PCDHGA8: variants seen among roughly 807,000 people sequenced by gnomAD.
The protein encoded by PCDHGA8 is protocadherin gamma-A8.
In PCDHGA8, 45 loss-of-function variants were observed where a neutral mutation model predicts 59.2. That is an observed-to-expected ratio of 0.76 (90% CI 0.60 to 0.98). The LOEUF (loss-of-function observed/expected upper bound fraction) is 0.98, where lower values mean the gene tolerates loss of function less well. PCDHGA8 is among the 50% of genes least tolerant of loss of function. PCDHGA8 has a pLI of 0.00. For missense variants in PCDHGA8, 1,257 were observed against 1,196.2 expected (o/e 1.05, Z -0.75); for synonymous variants, 531 against 519.0 (o/e 1.02, Z -0.32).
At chr5:141,452,201 T>G (rs552947721) in intron 1 of PCDHGA8, among the ~76,000 whole-genome samples, 131 of 152,376 alleles carry the variant, frequency 8.6e-4, no homozygotes, top group Middle Eastern at 6.8e-3. Context: ...TTGTTTTAGA[T>G]GTTACCAATA....
chr5:141,409,495 T>C (rs777919409), intron 1 of PCDHGA8: 5 of 1,613,862 alleles, frequency 3.1e-6, no homozygotes, highest in Non-Finnish European at 4.2e-6. Context: ...GCAAGCCGCC[T>C]CTTTCTTCCA....
chr5:141,424,797 C>G (rs1262781875), intron 1 of PCDHGA8: 1 of 151,908 alleles, frequency 6.6e-6, no homozygotes, highest in Non-Finnish European at 1.5e-5. Flanking sequence ...TTATTCAGAC[C>G]AACTTGTTAT....
At chr5:141,421,955 T>A in intron 1 of PCDHGA8, 1 of 1,612,914 alleles carries the variant, frequency 6.2e-7, no homozygotes, top group South Asian at 1.1e-5. Context: ...ATCCCAATGT[T>A]TACACAGTCC....
chr5:141,433,802 A>G (rs2097651656), intron 1 of PCDHGA8, among the ~76,000 whole-genome samples: 1 of 149,280 alleles, frequency 6.7e-6, no homozygotes, highest in Non-Finnish European at 1.5e-5. Flanking sequence ...GTGCCATTGC[A>G]CTCCAGCCTG....
In PCDHGA8 at chr5:141,414,129, C is replaced by A. The variant is rs1487550233; in HGVS notation, c.2424+18892C>A. The A allele has an allele frequency of 1.9e-6, 3 of 1,594,152 alleles. No homozygotes were observed. In the Admixed American group the frequency reaches 5.3e-5, roughly 28 times the overall value. ...ATCTAGATTATGAAGAAACCGGTTT[C>A]TATGAAATAGAAATACAAGCAGAAG... On this transcript the variant is annotated intron_variant, in intron 1 of 3. Coordinates refer to ENST00000398604, the MANE Select transcript of PCDHGA8 (RefSeq NM_032088.2).
At chr5:141,509,136 C>T (rs1217992935) in intron 3 of PCDHGA8, among the ~76,000 whole-genome samples, 1 of 152,142 alleles carries the variant, frequency 6.6e-6, no homozygotes, top group Non-Finnish European at 1.5e-5. Context: ...AAAACCGAGG[C>T]GCATCCCGGC....
rs1452602466 is a variant in PCDHGA8 at position 141,481,941 on chromosome 5, C to A, written c.2425-12866C>A. Among the ~76,000 whole-genome samples, 4 of 146,990 alleles carry A rather than the reference C, an allele frequency of 2.7e-5. No individual in the cohort carries two copies. The Admixed American group carries it at 2.7e-4, about 10-fold the overall frequency. On this transcript the variant is annotated intron_variant, in intron 1 of 3. Coordinates refer to ENST00000398604, the MANE Select transcript of PCDHGA8 (RefSeq NM_032088.2). ...AAAAAAAAAAAAAAAAAAAATCAGC[C>A]AGATGTGGTGGCAGGTGCCTGTAGT...
rs192411178 is a variant in PCDHGA8, at chr5:141,397,840, C to A, written c.2424+2603C>A. ...AATTACTGCACTGGTTAACTTGAAG[C>A]CGCAGAGGCTGTAGTTTCCTAGTGC... On this transcript the variant is annotated intron_variant, in intron 1 of 3. Transcript: ENST00000398604. 268 of 517,094 alleles carry A rather than the reference C, an allele frequency of 5.2e-4. 2 individuals carry two copies. Among genetic ancestry groups the A allele is most frequent in the African/African-American group, 4.6e-3 (241 of 51,950 alleles). The allele number at this position is 517,094 out of a possible 1,614,324, so 32.0% of individuals were successfully genotyped here. A position where few individuals can be genotyped will look rare whatever the true frequency, so the allele number is the denominator to read the frequency against.
intron 1 of PCDHGA8, chr5:141,398,937 C>T (rs2093727338): frequency 1.9e-6 from 3 of 1,613,902 alleles, no homozygotes; most frequent in Non-Finnish European, 2.5e-6. Flanking sequence ...CTGACCAAGA[C>T]GAGGGCATCA....
intron 1 of PCDHGA8, chr5:141,422,847 C>G (rs1271794821): frequency 7.4e-6 from 12 of 1,614,234 alleles, no homozygotes; most frequent in Non-Finnish European, 1.0e-5. Context: ...ACAGCGGGGA[C>G]CCGCCCCTCA....
Position 141,431,062 on chromosome 5 carries a change from G to C in PCDHGA8, c.2424+35825G>C, listed in dbSNP as rs2097341170. On this transcript the variant is annotated intron_variant, in intron 1 of 3. Coordinates refer to ENST00000398604, the MANE Select transcript of PCDHGA8 (RefSeq NM_032088.2). This position sits in a 1 kb window ranked among gnomAD's most constrained non-coding sequence, Gnocchi z 4.8. ...AGGAGCTCTGTATGGGGGCCATCAA[G>C]TGTCAATTAAATCTAGACATTCTGA... 6.2e-7 allele frequency: 1 copy of C among 1,614,212 alleles called. No individual in the cohort carries two copies. The highest frequency in any genetic ancestry group is 1.3e-5 in the African/African-American group (1 of 75,084).
chr5:141,418,345 T>C, intron 1 of PCDHGA8: 1 of 1,614,000 alleles, frequency 6.2e-7, no homozygotes, highest in Non-Finnish European at 8.5e-7. Context: ...ATCCTGATAT[T>C]AGTATGAATT....
chr5:141,478,163 C>G (rs779617960), intron 1 of PCDHGA8: 22 of 1,614,028 alleles, frequency 1.4e-5, no homozygotes, highest in Non-Finnish European at 1.9e-5. Context: ...TGGCTCTGCC[C>G]CCCGGGAGCA....
intron 3 of PCDHGA8, among the ~76,000 whole-genome samples, chr5:141,510,214 A>G (rs1047332886): frequency 6.6e-6 from 1 of 151,406 alleles, no homozygotes; most frequent in Non-Finnish European, 1.5e-5. Context: ...CAGAGGTTGC[A>G]GTGAGCCGGG....
intron 1 of PCDHGA8, chr5:141,408,761 G>A (rs1469424988): frequency 8.7e-6 from 14 of 1,610,446 alleles, no homozygotes; most frequent in Non-Finnish European, 1.2e-5. Flanking sequence ...AGTTAATTCC[G>A]ATGGTGGCAA....
intron 1 of PCDHGA8, chr5:141,478,866 C>T (rs1392885307): frequency 1.5e-6 from 2 of 1,304,352 alleles, no homozygotes; most frequent in Non-Finnish European, 2.0e-6. Flanking sequence ...TCTCAGCGAT[C>T]AGAGTTTAGC....
At chr5:141,430,351 A>G (rs923321842) in intron 1 of PCDHGA8, among the ~76,000 whole-genome samples, 5 of 152,046 alleles carry the variant, frequency 3.3e-5, no homozygotes, top group African/African-American at 1.2e-4. Flanking sequence ...CAATTCATTT[A>G]AAAGCTCATT....
intron 1 of PCDHGA8, among the ~76,000 whole-genome samples, chr5:141,407,446 C>T (rs1314408901): frequency 6.7e-6 from 1 of 149,410 alleles, no homozygotes. Context: ...AACCAGAACA[C>T]GAGGCTCACC....
At chr5:141,467,055 C>CTTTTTTTTTTT (rs1193465269) in intron 1 of PCDHGA8, among the ~76,000 whole-genome samples, 1 of 134,498 alleles carries the variant, frequency 7.4e-6, no homozygotes, top group Non-Finnish European at 1.6e-5. Context: ...TCAATGTTTT[C>CTTTTTTTTTTT]TTTTTTTTTT....
Sources: allele counts gnomAD v4.1 joint callset (sites outside exome capture counted in the v4.1 genomes callset), GRCh38; gene constraint gnomAD v4.1.1; non-coding constraint Gnocchi (gnomAD v3.1); transcripts MANE v1.5; gene names NCBI Gene and HGNC (gene_info 2026-07-23, HGNC 2026-07-21).